The following UBE2E2 variants were observed in gnomAD, a reference collection of about 807,000 sequenced individuals.
The protein encoded by UBE2E2 is ubiquitin conjugating enzyme E2 E2, also known as ubiquitin-conjugating enzyme E2 E2.
Under a neutral mutation model 24.7 loss-of-function variants are expected in UBE2E2, and 6 were observed. The ratio of observed to expected loss-of-function variants is 0.24; its 90% CI spans 0.13 to 0.48. The LOEUF is 0.48. Among genes scored for constraint, UBE2E2 ranks in the 20% least tolerant of loss-of-function variants. The pLI is 0.99. For missense variants in UBE2E2, 169 were observed against 245.0 expected, an observed-to-expected ratio of 0.69 and a Z score of 2.07; for synonymous variants, 104 against 83.6, an observed-to-expected ratio of 1.24 and a Z score of -1.33.
chr3:23,388,676 A>AT (rs201496643), intron 3 of UBE2E2, among the ~76,000 whole-genome samples: 1 of 152,056 alleles, frequency 6.6e-6, no homozygotes, highest in Non-Finnish European at 1.5e-5. Context: ...TTTAAATAGT[A>AT]TTTTTTAAAA....
chr3:23,415,994 GT>G (rs1697621254), intron 3 of UBE2E2, among the ~76,000 whole-genome samples: 1 of 152,086 alleles, frequency 6.6e-6, no homozygotes, highest in Non-Finnish European at 1.5e-5. Context: ...AACATGTGGT[GT>G]TTGGTTTTCT....
chr3:23,404,809 CAGAG>C, intron 3 of UBE2E2, among the ~76,000 whole-genome samples: 1 of 152,292 alleles, frequency 6.6e-6, no homozygotes, highest in Admixed American at 6.5e-5. Flanking sequence ...TGGCAACAGG[CAGAG>C]AGAATTTGCC....
At chr3:23,335,956 C>A (rs762256052) in intron 3 of UBE2E2, among the ~76,000 whole-genome samples, 4 of 152,114 alleles carry the variant, frequency 2.6e-5, no homozygotes, top group Non-Finnish European at 4.4e-5. Flanking sequence ...GGGTAAGCCT[C>A]CCCAGTGCCT....
intron 3 of UBE2E2, among the ~76,000 whole-genome samples, chr3:23,353,724 A>G (rs951270796): frequency 5.3e-5 from 8 of 152,234 alleles, no homozygotes; most frequent in South Asian, 2.1e-4. Flanking sequence ...CCACTGCTCA[A>G]TGAAATAAAA....
chr3:23,222,204 A>G (rs1392298771), intron 3 of UBE2E2, among the ~76,000 whole-genome samples: 3 of 152,154 alleles, frequency 2.0e-5, no homozygotes, highest in Non-Finnish European at 4.4e-5. Flanking sequence ...TGAATTAAAT[A>G]TTCCATTGTG....
At chr3:23,270,479 C>T (rs536395508) in intron 3 of UBE2E2, among the ~76,000 whole-genome samples, 2 of 152,236 alleles carry the variant, frequency 1.3e-5, no homozygotes, top group African/African-American at 2.4e-5. Flanking sequence ...GGGAAACACT[C>T]GTTCTGGCTC....
chr3:23,556,830 C>T (rs971242305), intron 5 of UBE2E2, among the ~76,000 whole-genome samples: 1 of 152,074 alleles, frequency 6.6e-6, no homozygotes, highest in African/African-American at 2.4e-5. Flanking sequence ...ATTCTGTGAC[C>T]CATAAATAGC....
chr3:23,211,460 G>A (rs1048572322), intron 2 of UBE2E2, among the ~76,000 whole-genome samples: 4 of 149,382 alleles, frequency 2.7e-5, no homozygotes, highest in Non-Finnish European at 4.4e-5. Flanking sequence ...AGGCTGGAGT[G>A]CAGTGGTATG....
intron 3 of UBE2E2, among the ~76,000 whole-genome samples, chr3:23,412,006 C>T (rs1472834222): frequency 6.6e-6 from 1 of 152,018 alleles, no homozygotes; most frequent in Non-Finnish European, 1.5e-5. Context: ...TGCATACTGA[C>T]TGGTCATAAA....
At chr3:23,246,496 AAG>A (rs1416898329) in intron 3 of UBE2E2, among the ~76,000 whole-genome samples, 2 of 147,388 alleles carry the variant, frequency 1.4e-5, no homozygotes, top group Non-Finnish European at 3.0e-5. Flanking sequence ...CAGCCTCCCA[AAG>A]TTCTGGGATT....
chr3:23,430,311 C>A (rs1475639144), intron 3 of UBE2E2, among the ~76,000 whole-genome samples: 1 of 152,106 alleles, frequency 6.6e-6, no homozygotes, highest in Admixed American at 6.5e-5. Flanking sequence ...ACCTTATCTC[C>A]CATCTTCTAT....
At chr3:23,213,745 ATAAT>A (rs1696391304) in intron 2 of UBE2E2, among the ~76,000 whole-genome samples, 1 of 152,180 alleles carries the variant, frequency 6.6e-6, no homozygotes. Flanking sequence ...CCAGCGTAAA[ATAAT>A]TAGCCTTAGT....
intron 3 of UBE2E2, among the ~76,000 whole-genome samples, chr3:23,345,601 G>A (rs1436495486): frequency 4.6e-5 from 7 of 152,116 alleles, no homozygotes; most frequent in African/African-American, 1.7e-4. Flanking sequence ...AAAATTAGTA[G>A]TTGTGGAAGA....
At chr3:23,278,110 A>G (rs181269765) in intron 3 of UBE2E2, among the ~76,000 whole-genome samples, 64 of 152,236 alleles carry the variant, frequency 4.2e-4, no homozygotes, top group African/African-American at 1.5e-3. Context: ...GAATGGATCA[A>G]TTGTTACCTT....
At chr3:23,569,278 G>A (rs1471833632) in intron 5 of UBE2E2, among the ~76,000 whole-genome samples, 5 of 152,140 alleles carry the variant, frequency 3.3e-5, no homozygotes, top group Non-Finnish European at 7.4e-5. Flanking sequence ...GAACTACCTA[G>A]ACACCAAAGT....
intron 5 of UBE2E2, among the ~76,000 whole-genome samples, chr3:23,576,990 G>A (rs7628949): frequency 0.32 from 48,145 of 151,332 alleles, 8,575 homozygotes; most frequent in East Asian, 0.51. Flanking sequence ...TTCCAACAGC[G>A]TGTGCTCTTT....
Position 23,280,944 on chromosome 3 carries a change from A to G in UBE2E2, c.227+63632A>G, listed in dbSNP as rs1018570665. On this transcript the variant is annotated intron_variant, in intron 3 of 5. Coordinates refer to ENST00000396703, the MANE Select transcript of UBE2E2 (RefSeq NM_152653.4). This position sits in a 1 kb window ranked among gnomAD's most constrained non-coding sequence, Gnocchi z 4.3. ...AAGTCCAAGATCAAAGTGCTGGCAG[A>G]CCTGGTGTCTGGTGAGAGCACTGTT... is the stretch of plus-strand genomic sequence containing the variant. Among the ~76,000 whole-genome samples, 2 of 152,190 alleles carry G rather than the reference A, an allele frequency of 1.3e-5. No homozygotes were observed. The highest frequency in any genetic ancestry group is 3.9e-4 in the East Asian group (2 of 5,192).
At chr3:23,475,680 A>T (rs2125437905) in intron 3 of UBE2E2, among the ~76,000 whole-genome samples, 1 of 152,178 alleles carries the variant, frequency 6.6e-6, no homozygotes. Context: ...GAACTTACAG[A>T]TGGAAGCATA....
intron 3 of UBE2E2, among the ~76,000 whole-genome samples, chr3:23,431,712 G>T (rs1487012805): frequency 6.6e-6 from 1 of 151,942 alleles, no homozygotes; most frequent in Non-Finnish European, 1.5e-5. Flanking sequence ...AGTATAAACA[G>T]ATTTTTTTTT....
Sources: gnomAD v4.1 joint callset for allele counts (sites outside exome capture counted in the v4.1 genomes callset) on GRCh38, gnomAD v4.1.1 for gene constraint, Gnocchi (gnomAD v3.1) non-coding constraint, MANE v1.5 for transcripts, NCBI Gene and HGNC (gene_info 2026-07-23, HGNC 2026-07-21) for gene names.